The following ABCA13 variants were observed in gnomAD, a reference collection of about 807,000 sequenced individuals.
ABCA13 encodes ATP binding cassette subfamily A member 13.
A neutral mutation model predicts 478.7 loss-of-function variants in ABCA13; 476 were observed. That is an observed-to-expected ratio of 0.99 (90% CI 0.92 to 1.07). The LOEUF (loss-of-function observed/expected upper bound fraction) is 1.07, where lower values mean the gene tolerates loss of function less well. Ranked by LOEUF, ABCA13 falls within the 50% of genes least tolerant of loss-of-function variation. ABCA13 has a pLI of 0.00. For synonymous variants in ABCA13, 2,252 were observed against 2,158.9 expected (o/e 1.04, Z -1.20); for missense variants, 6,060 against 5,910.6 (o/e 1.03, Z -0.83).
intron 57 of ABCA13, among the ~76,000 whole-genome samples, chr7:48,593,566 A>G (rs1390849377): frequency 1.3e-5 from 2 of 152,126 alleles, no homozygotes; most frequent in Non-Finnish European, 2.9e-5. Flanking sequence ...AAAGCATTAA[A>G]GTATGCTGAA....
intron 27 of ABCA13, among the ~76,000 whole-genome samples, chr7:48,332,633 A>G (rs1285505618): frequency 6.6e-6 from 1 of 152,114 alleles, no homozygotes; most frequent in Non-Finnish European, 1.5e-5. Context: ...ATTCCGTTTC[A>G]TATTTTCATT....
At chr7:48,339,466 T>C (rs1179036446) in intron 29 of ABCA13, among the ~76,000 whole-genome samples, 2 of 152,212 alleles carry the variant, frequency 1.3e-5, no homozygotes, top group East Asian at 3.8e-4. Flanking sequence ...AGATTTCCTG[T>C]GTGGAACGCA....
At chr7:48,189,356 G>A (rs1796786763) in intron 1 of ABCA13, among the ~76,000 whole-genome samples, 1 of 138,472 alleles carries the variant, frequency 7.2e-6, no homozygotes, top group African/African-American at 2.8e-5. Flanking sequence ...ATAGTCTTAT[G>A]AAAGCCACTC....
rs377308257 is a variant in ABCA13 at position 48,594,746 on chromosome 7, C to T, written c.14677C>T (p.Arg4893Trp). The T allele has an allele frequency of 2.0e-5, 33 of 1,613,806 alleles. No homozygotes were observed. Among genetic ancestry groups the T allele is most frequent in the African/African-American group, 5.3e-5 (4 of 74,924 alleles). Residue 4893 changes from arginine to tryptophan, a missense_variant, in exon 58 of 62, where the codon CGG (arginine) becomes TGG (tryptophan). Coordinates refer to ENST00000435803, the MANE Select transcript of ABCA13 (RefSeq NM_152701.5). ...CTCTGGGATGGATCCCTGCTCTAAG[C>T]GGTACCTGTGGCAAACAATAATGAA... ...PSSGMDPCSKRYLWQTIMKEV... is the reference protein window; with the variant it reads ...PSSGMDPCSKWYLWQTIMKEV...
At chr7:48,266,650 C>G (rs1008264358) in intron 15 of ABCA13, among the ~76,000 whole-genome samples, 4 of 151,722 alleles carry the variant, frequency 2.6e-5, no homozygotes, top group Admixed American at 6.6e-5. Flanking sequence ...AAACAACCAG[C>G]CTTTGATTTC....
chr7:48,373,081 C>T (rs555014322), intron 33 of ABCA13, among the ~76,000 whole-genome samples: 115 of 152,286 alleles, frequency 7.6e-4, no homozygotes, highest in African/African-American at 2.6e-3. Flanking sequence ...GGTGAACCAT[C>T]ACTATTAAAA....
At chr7:48,545,057 C>T (rs1784699084) in intron 55 of ABCA13, among the ~76,000 whole-genome samples, 2 of 151,894 alleles carry the variant, frequency 1.3e-5, no homozygotes, top group South Asian at 4.1e-4. Context: ...AGAGTTTTCA[C>T]ACTTTCATTC....
At chr7:48,592,514 G>T (rs1006654585) in intron 57 of ABCA13, among the ~76,000 whole-genome samples, 3 of 151,792 alleles carry the variant, frequency 2.0e-5, no homozygotes, top group East Asian at 1.9e-4. Flanking sequence ...CTCCTGGAGA[G>T]TATTTTATGT....
rs762371979 is a variant in ABCA13 at position 48,403,847 on chromosome 7, G to A, written c.12038G>A (p.Ser4013Asn). 3.7e-6 allele frequency: 6 copies of A among 1,613,654 alleles called. No homozygotes were observed. Among genetic ancestry groups the A allele is most frequent in the Admixed American group, 1.7e-5 (1 of 60,010 alleles). Reference protein sequence around the residue: ...TSGVDPCSRHSLWDILLKYRE... With the variant: ...TSGVDPCSRHNLWDILLKYRE... ...GGGGTGGACCCTTGCTCCCGGCATAGCCTGTGGGACATTCTGCTCAAGTAC... is the reference window on the plus strand; with the variant it reads ...GGGGTGGACCCTTGCTCCCGGCATAACCTGTGGGACATTCTGCTCAAGTAC... Residue 4013 changes from serine to asparagine, a missense_variant, in exon 39 of 62, where the codon AGC becomes AAC. Transcript: ENST00000435803.
chr7:48,289,176 T>C (rs1798164956), intron 20 of ABCA13, among the ~76,000 whole-genome samples: 1 of 152,066 alleles, frequency 6.6e-6, no homozygotes, highest in Admixed American at 6.5e-5. Flanking sequence ...AATCAATGTC[T>C]TGTGGCCTTT....
At chr7:48,580,907 A>G (rs1723392717) in intron 56 of ABCA13, among the ~76,000 whole-genome samples, 1 of 151,586 alleles carries the variant, frequency 6.6e-6, no homozygotes, top group South Asian at 2.1e-4. Flanking sequence ...AGAAACTGAG[A>G]CCCCCACCTC....
chr7:48,189,007 G>A (rs1796731956), intron 1 of ABCA13, among the ~76,000 whole-genome samples: 1 of 152,104 alleles, frequency 6.6e-6, no homozygotes, highest in Non-Finnish European at 1.5e-5. Context: ...TTTGGTAGTG[G>A]GGGCATTGTT....
chr7:48,477,701 G>A (rs902636045), intron 45 of ABCA13, among the ~76,000 whole-genome samples: 2 of 140,964 alleles, frequency 1.4e-5, no homozygotes, highest in South Asian at 4.6e-4. Context: ...GAGAACACAT[G>A]GACACAGGAA....
Position 48,328,722 on chromosome 7 carries a change from A to T in ABCA13, c.10000-6700A>T, listed in dbSNP as rs369090071. ...ACATTAGAACATGAGGAAAAATTATAAACATATAGTTCAAAAAATAATAAA... is the reference window on the plus strand; with the variant it reads ...ACATTAGAACATGAGGAAAAATTATTAACATATAGTTCAAAAAATAATAAA... On this transcript the variant is annotated intron_variant, in intron 27 of 61. Transcript: ENST00000435803. Among the ~76,000 whole-genome samples the T allele has an allele frequency of 1.4e-3, 209 of 152,284 alleles. 1 individual carries two copies. Among genetic ancestry groups the T allele is most frequent in the Middle Eastern group, 6.8e-3 (2 of 294 alleles).
At position 48,638,088 on chromosome 7, in the gene ABCA13, G is replaced by T. The variant is rs78734115; in HGVS notation, c.14838-5200G>T. On this transcript the variant is annotated intron_variant, in intron 59 of 61. Transcript: ENST00000435803. Reference sequence around the variant, plus strand: ...AGTACTGAATGGATGGAGGAAAGGAGATCTGGTTGTGGGTAGCATGAAGGA... The same window carrying T: ...AGTACTGAATGGATGGAGGAAAGGATATCTGGTTGTGGGTAGCATGAAGGA... Among the ~76,000 whole-genome samples, 1,039 of 152,302 alleles carry T rather than the reference G, an allele frequency of 6.8e-3. 6 individuals carry two copies. The highest frequency in any genetic ancestry group is 9.9e-3 in the Non-Finnish European group (672 of 68,026).
At chr7:48,359,767 A>T (rs1433310011) in intron 31 of ABCA13, among the ~76,000 whole-genome samples, 1 of 152,028 alleles carries the variant, frequency 6.6e-6, no homozygotes, top group Non-Finnish European at 1.5e-5. Context: ...AACAGCAACA[A>T]AAACCAGCTG....
At chr7:48,625,877 T>C (rs1326512620) in intron 59 of ABCA13, among the ~76,000 whole-genome samples, 1 of 152,194 alleles carries the variant, frequency 6.6e-6, no homozygotes, top group East Asian at 1.9e-4. Flanking sequence ...GGTGAAGTTG[T>C]TGGGGACTCA....
rs892959891 is a variant in ABCA13 at position 48,408,491 on chromosome 7, A to G, written c.12071-2029A>G. ...CTTGGGTGTGGGGACAGGGACATAC[A>G]TGTGCAAGAACTGGTCATTGTGGAC... On this transcript the variant is annotated intron_variant, in intron 39 of 61. Transcript: ENST00000435803. Among the ~76,000 whole-genome samples the G allele has an allele frequency of 2.6e-5, 4 of 152,114 alleles. 1 individual carries two copies. The highest frequency in any genetic ancestry group is 9.7e-5 in the African/African-American group (4 of 41,418).
intron 5 of ABCA13, among the ~76,000 whole-genome samples, chr7:48,223,099 ACT>A (rs1229492261): frequency 1.1e-4 from 16 of 151,676 alleles, no homozygotes; most frequent in African/African-American, 3.6e-4. Flanking sequence ...ATCAAAGATG[ACT>A]CTATGTGGTT....
Sources: allele counts gnomAD v4.1 joint callset (sites outside exome capture counted in the v4.1 genomes callset), GRCh38; gene constraint gnomAD v4.1.1; transcripts MANE v1.5; gene names NCBI Gene and HGNC (gene_info 2026-07-23, HGNC 2026-07-21).